Variants in TLN2 observed in about 807,000 individuals in gnomAD.
TLN2 encodes talin 2.
A neutral mutation model predicts 294.7 loss-of-function variants in TLN2; 118 were observed. The observed-to-expected ratio is 0.40, with a 90% CI of 0.34 to 0.47. The LOEUF is 0.47. TLN2 is among the 20% of genes least tolerant of loss of function. TLN2 has a pLI of 0.84. For synonymous variants in TLN2, 1,431 were observed against 1,304.5 expected (o/e 1.10, Z -2.09); for missense variants, 3,083 against 3,282.2 (o/e 0.94, Z 1.48).
intron 1 of TLN2, among the ~76,000 whole-genome samples, chr15:62,400,812 G>GTTTTT (rs11369905): frequency 1.7e-5 from 2 of 119,468 alleles, no homozygotes; most frequent in Non-Finnish European, 1.7e-5. Flanking sequence ...TATGTTTCCG[G>GTTTTT]TTTTTTTTTT....
In TLN2 at chr15:62,745,989, T is replaced by A. The variant is rs565852842; in HGVS notation, c.4026-2362T>A. On this transcript the variant is annotated intron_variant, in intron 32 of 58. Transcript: ENST00000636159. ...GGATTACCCAACCACAAACCCTTAG[T>A]CTGTTGGTTTTTGTCCCAAGTTTTT... Among the ~76,000 whole-genome samples the A allele has an allele frequency of 5.9e-5, 9 of 152,280 alleles. No homozygotes were observed. The East Asian group carries it at 1.7e-3, about 29-fold the overall frequency.
intron 39 of TLN2, 77 bp downstream of exon 39, chr15:62,762,530 T>C (rs1000214342): frequency 1.4e-6 from 2 of 1,459,304 alleles, no homozygotes; most frequent in African/African-American, 2.8e-5. Context: ...CCAGGCTTTT[T>C]ACTTAATAGT....
Position 62,843,832 on chromosome 15 carries a change from G to A in TLN2, c.*3222G>A, listed in dbSNP as rs2070944610. ...AGCAAGCCATGGTCTCTGCTCCTGG[G>A]GAACTCACACGCTGACCCCCGAGGA... On this transcript the variant is annotated 3_prime_UTR_variant, in exon 59 of 59. Coordinates refer to ENST00000636159, the MANE Select transcript of TLN2 (RefSeq NM_015059.3). The A allele has an allele frequency of 6.6e-6, 1 of 152,044 alleles. No homozygotes were observed. The highest frequency in any genetic ancestry group is 2.4e-5 in the African/African-American group (1 of 41,384). 9.4% of individuals were successfully genotyped at this position (152,044 alleles called of 1,614,324 possible).
At chr15:62,401,875 A>C (rs112818103) in intron 1 of TLN2, among the ~76,000 whole-genome samples, 5 of 152,178 alleles carry the variant, frequency 3.3e-5, no homozygotes, top group African/African-American at 1.2e-4. Context: ...ATTCTAGACA[A>C]GGAGGATATT....
rs1370967175 is a variant in TLN2 at position 62,761,767 on chromosome 15, A to G, written c.4725A>G (p.Thr1575=). ...TGATTGAAGCTGTGGAGAACCTGAC[A>G]GCGTTCGCCTCAAACCCTGAGTTTG... ...APLIEAVENL[T]AFASNPEFVS... is the part of the protein sequence containing the mutation. The change falls in exon 38 of 59, where the codon ACA becomes ACG. Residue 1575 remains threonine (T), a synonymous_variant. Transcript: ENST00000636159. The G allele has an allele frequency of 4.3e-6, 7 of 1,614,178 alleles. No homozygotes were observed. The highest frequency in any genetic ancestry group is 4.2e-6 in the Non-Finnish European group (5 of 1,180,024).
intron 3 of TLN2, among the ~76,000 whole-genome samples, chr15:62,631,537 C>A (rs1282083606): frequency 2.7e-5 from 2 of 72,972 alleles, no homozygotes; most frequent in Non-Finnish European, 5.2e-5. Context: ...CTTTCCTTTC[C>A]TTTCCTTTCC....
chr15:62,594,288 G>A (rs972625730), intron 2 of TLN2, among the ~76,000 whole-genome samples: 2 of 152,176 alleles, frequency 1.3e-5, no homozygotes, highest in African/African-American at 4.8e-5. Flanking sequence ...ACTCACTGCA[G>A]CCTTGACCTC....
rs56274442 is a variant in TLN2, at chr15:62,582,233, C to T, written c.-237-7454C>T. On this transcript the variant is annotated intron_variant, in intron 1 of 58. Coordinates refer to ENST00000636159, the MANE Select transcript of TLN2 (RefSeq NM_015059.3). ...ACACACACACACACACACACACACACACACACACACACACATTCATGCCTG... is the reference window on the plus strand; with the variant it reads ...ACACACACACACACACACACACACATACACACACACACACATTCATGCCTG... Among the ~76,000 whole-genome samples, 223 of 108,662 alleles carry T rather than the reference C, an allele frequency of 2.1e-3. 2 individuals are homozygous for T. The highest frequency in any genetic ancestry group is 5.5e-3 in the African/African-American group (197 of 35,934). The allele number at this position is 108,662 out of a possible 152,430, so 71.3% of individuals were successfully genotyped here.
Position 62,701,098 on chromosome 15 carries a change from C to T in TLN2, c.1588-8C>T, listed in dbSNP as rs2058693876. 6.2e-7 allele frequency: 1 copy of T among 1,612,516 alleles called. No homozygotes were observed. Among genetic ancestry groups the T allele is most frequent in the Non-Finnish European group, 8.5e-7 (1 of 1,179,118 alleles). ...GTGATTGTGTTGTGCCGTTGTCTGGCTTTGCAGGCATCTAGGGTATGGGTT... is the reference window on the plus strand; with the variant it reads ...GTGATTGTGTTGTGCCGTTGTCTGGTTTTGCAGGCATCTAGGGTATGGGTT... On this transcript the variant is annotated splice_polypyrimidine_tract_variant and splice_region_variant and intron_variant, in intron 16 of 58. Transcript: ENST00000636159.
chr15:62,662,978 C>G (rs2054066744), intron 9 of TLN2, among the ~76,000 whole-genome samples: 1 of 151,920 alleles, frequency 6.6e-6, no homozygotes, highest in South Asian at 2.1e-4. Context: ...TGCCTGCCAC[C>G]ACGCCCGGCT....
At position 62,835,751 on chromosome 15, in the gene TLN2, T is replaced by C. The variant is rs1298047509; in HGVS notation, c.7143T>C (p.Pro2381=). ...LVAQGKVGSI[P]ANAADDGQWS... Reference sequence around the variant, plus strand: ...CTACTCTCTAGGTGGGCTCCATCCCTGCCAATGCTGCAGACGACGGACAGT... The same window carrying C: ...CTACTCTCTAGGTGGGCTCCATCCCCGCCAATGCTGCAGACGACGGACAGT... Residue 2381 remains proline (P), a synonymous_variant, in exon 56 of 59, where the codon CCT becomes CCC. Coordinates refer to ENST00000636159, the MANE Select transcript of TLN2 (RefSeq NM_015059.3). The C allele has an allele frequency of 3.1e-6, 5 of 1,614,206 alleles. No homozygotes were observed. Among genetic ancestry groups the C allele is most frequent in the Non-Finnish European group, 4.2e-6 (5 of 1,180,030 alleles).
chr15:62,783,690 A>C, intron 44 of TLN2, 81 bp from the exon 45 acceptor site: 1 of 1,479,350 alleles, frequency 6.8e-7, no homozygotes, highest in South Asian at 1.4e-5. Flanking sequence ...GCTTCCAGTG[A>C]TATTAACACA....
intron 2 of TLN2, among the ~76,000 whole-genome samples, chr15:62,613,368 T>C (rs531024508): frequency 6.6e-6 from 1 of 152,324 alleles, no homozygotes; most frequent in African/African-American, 2.4e-5. Context: ...TCCTAGAAAG[T>C]AGACAAACCT....
chr15:62,535,190 A>G (rs779341043), intron 1 of TLN2, among the ~76,000 whole-genome samples: 6 of 152,068 alleles, frequency 3.9e-5, no homozygotes, highest in African/African-American at 9.7e-5. Flanking sequence ...TATTCTTCCT[A>G]CTGTTCTACA....
At chr15:62,533,663 A>C (rs916112469) in intron 1 of TLN2, among the ~76,000 whole-genome samples, 2 of 152,154 alleles carry the variant, frequency 1.3e-5, no homozygotes, top group African/African-American at 4.8e-5. Context: ...CCCCCCATAA[A>C]AAATGCCAGG....
intron 17 of TLN2, among the ~76,000 whole-genome samples, chr15:62,701,579 C>T (rs529932850): frequency 2.9e-4 from 44 of 152,226 alleles, no homozygotes; most frequent in African/African-American, 1.0e-3. Context: ...GTGCCTTTGC[C>T]CATGTTGTCC....
At position 62,663,721 on chromosome 15, in the gene TLN2, G is replaced by A. The variant is rs117744264; in HGVS notation, c.788+5823G>A. Among the ~76,000 whole-genome samples the A allele has an allele frequency of 6.6e-3, 1,003 of 152,092 alleles. 4 individuals carry two copies. Among genetic ancestry groups the A allele is most frequent in the Non-Finnish European group, 0.01 (706 of 67,988 alleles). On this transcript the variant is annotated intron_variant, in intron 9 of 58. Transcript: ENST00000636159. ...TTACCTAGGAAGACAGCTGTCCAAT[G>A]ATCTCCAAGATCTCACCAATAAAAT... is the stretch of plus-strand genomic sequence containing the variant.
intron 24 of TLN2, among the ~76,000 whole-genome samples, chr15:62,718,240 G>T (rs1240956280): frequency 6.6e-6 from 1 of 152,186 alleles, no homozygotes; most frequent in Non-Finnish European, 1.5e-5. Flanking sequence ...CACCCTTGTT[G>T]GTTTCTCTAA....
chr15:62,797,347 C>G lies in TLN2; in HGVS notation c.6179C>G (p.Ala2060Gly), dbSNP rs1205796474. ...TCAGCAGCCACCATCACCCAGCTCGCAGAAGTGGTCAAGCTGGGGGCAGCC... is the reference window on the plus strand; with the variant it reads ...TCAGCAGCCACCATCACCCAGCTCGGAGAAGTGGTCAAGCTGGGGGCAGCC... ...QSSAATITQLAEVVKLGAASL... is the reference protein window; with the variant it reads ...QSSAATITQLGEVVKLGAASL... The change falls in exon 48 of 59, where the codon GCA becomes GGA. Residue 2060 changes from alanine (A) to glycine (G), a missense_variant. Ala to Gly is a moderately conservative substitution (Grantham distance 60). Coordinates refer to ENST00000636159, the MANE Select transcript of TLN2 (RefSeq NM_015059.3). 6.8e-6 allele frequency: 11 copies of G among 1,613,226 alleles called. No individual in the cohort carries two copies. Among genetic ancestry groups the G allele is most frequent in the Non-Finnish European group, 9.3e-6 (11 of 1,179,938 alleles).
Sources: allele counts gnomAD v4.1 joint callset (sites outside exome capture counted in the v4.1 genomes callset), GRCh38; gene constraint gnomAD v4.1.1; transcripts MANE v1.5; gene names NCBI Gene and HGNC (gene_info 2026-07-23, HGNC 2026-07-21).